RMDN2: variants seen among roughly 807,000 people sequenced by gnomAD.
RMDN2 encodes the protein regulator of microtubule dynamics protein 2.
A neutral mutation model predicts 52.8 loss-of-function variants in RMDN2; 61 were observed. The observed-to-expected ratio is 1.16, with a 90% CI of 0.94 to 1.43. The LOEUF is 1.43. Among genes scored for constraint, RMDN2 ranks in the 40% most tolerant of loss-of-function variants. The probability of loss-of-function intolerance (pLI) is 0.00; values close to 1 mark genes in which losing one functional copy is unlikely to be tolerated. For synonymous variants in RMDN2, 180 were observed against 153.1 expected (o/e 1.18, Z -1.30); for missense variants, 592 against 475.3 (o/e 1.25, Z -2.28).
At chr2:37,960,245 T>C (rs1407563331) in intron 2 of RMDN2, among the ~76,000 whole-genome samples, 1 of 152,144 alleles carries the variant, frequency 6.6e-6, no homozygotes, top group African/African-American at 2.4e-5. Flanking sequence ...AATGGGGTTT[T>C]AAAGTCTCCC....
At chr2:38,037,152 C>T (rs2125282992) in intron 10 of RMDN2, among the ~76,000 whole-genome samples, 1 of 152,256 alleles carries the variant, frequency 6.6e-6, no homozygotes, top group Admixed American at 6.5e-5. Flanking sequence ...GTGACCTAAG[C>T]TCTCTAAGCT....
intron 4 of RMDN2, among the ~76,000 whole-genome samples, chr2:37,976,058 G>A (rs994747045): frequency 1.3e-5 from 2 of 152,182 alleles, no homozygotes; most frequent in African/African-American, 4.8e-5. Context: ...TAGGGACTAC[G>A]AAGAATAAAC....
At chr2:38,032,143 A>G (rs966732695) in intron 10 of RMDN2, among the ~76,000 whole-genome samples, 2 of 152,198 alleles carry the variant, frequency 1.3e-5, no homozygotes, top group Non-Finnish European at 2.9e-5. Context: ...TTAATTGTAC[A>G]GTTTGATGGG....
intron 6 of RMDN2, 69 bp from the exon 7 acceptor site, chr2:37,991,151 C>G (rs1223904038): frequency 2.5e-6 from 2 of 787,608 alleles, no homozygotes; most frequent in Non-Finnish European, 4.1e-6. Context: ...AGTTACTAGG[C>G]TTTGGTGTAG....
At chr2:37,984,464 G>A (rs1673729333) in intron 5 of RMDN2, among the ~76,000 whole-genome samples, 1 of 152,200 alleles carries the variant, frequency 6.6e-6, no homozygotes, top group Admixed American at 6.5e-5. Context: ...GGTACTGTGT[G>A]TATGTGTGCA....
chr2:37,952,130 T>G (rs2124968684), intron 2 of RMDN2: 2 of 1,613,110 alleles, frequency 1.2e-6, no homozygotes, highest in East Asian at 2.2e-5. Flanking sequence ...CAGGCCTGTT[T>G]GAAGATGAAG....
intron 2 of RMDN2, among the ~76,000 whole-genome samples, chr2:37,947,293 G>A (rs996296133): frequency 5.3e-5 from 8 of 151,888 alleles, no homozygotes; most frequent in African/African-American, 2.4e-5. Flanking sequence ...AGAATATGTA[G>A]TATTTGACTT....
chr2:37,941,109 G>C (rs114160050), intron 2 of RMDN2, among the ~76,000 whole-genome samples: 1,659 of 152,270 alleles, frequency 0.011, 36 homozygotes, highest in African/African-American at 0.038. Context: ...TGTTGATGCT[G>C]TTGCTTTCTC....
chr2:37,968,373 A>G lies in RMDN2; in HGVS notation c.453-5667A>G, dbSNP rs534691990. 2.1e-5 allele frequency among the ~76,000 whole-genome samples: 3 copies of G among 144,662 alleles called. No individual in the cohort carries two copies. The East Asian group carries it at 6.4e-4, about 31-fold the overall frequency. The allele number at this position is 144,662 out of a possible 152,430, so 94.9% of individuals were successfully genotyped here. ...GAGAATCACTTGAACCCGGAGGCGT[A>G]GGCAGCAGTGAGCCGTGATCACACC... On this transcript the variant is annotated intron_variant, in intron 2 of 10. Coordinates refer to ENST00000354545, the MANE Select transcript of RMDN2 (RefSeq NM_001170791.3).
At chr2:37,935,437 G>T (rs754539298) in intron 2 of RMDN2, among the ~76,000 whole-genome samples, 1 of 152,232 alleles carries the variant, frequency 6.6e-6, no homozygotes, top group Admixed American at 6.5e-5. Context: ...GCATGGAGAT[G>T]AACAGAGATT....
intron 3 of RMDN2, 147 bp from the exon 4 acceptor site, chr2:37,975,065 C>G: frequency 1.6e-6 from 1 of 634,794 alleles, no homozygotes; most frequent in Non-Finnish European, 2.8e-6. Context: ...AAAAATGTTT[C>G]ACACGAAATA....
intron 1 of RMDN2, among the ~76,000 whole-genome samples, chr2:37,928,192 T>C (rs2124881839): frequency 6.6e-6 from 1 of 152,306 alleles, no homozygotes; most frequent in East Asian, 1.9e-4. Flanking sequence ...CAGGATACTT[T>C]CTGTGTTCCA....
downstream of RMDN2, among the ~76,000 whole-genome samples, chr2:38,022,423 G>C (rs1457264279): frequency 1.3e-5 from 2 of 152,146 alleles, no homozygotes; most frequent in Non-Finnish European, 2.9e-5. Flanking sequence ...CCTGAAATGA[G>C]GATTGTTCCT....
chr2:37,962,583 C>T (rs1365871985), intron 2 of RMDN2, among the ~76,000 whole-genome samples: 2 of 152,204 alleles, frequency 1.3e-5, no homozygotes, highest in African/African-American at 4.8e-5. Context: ...GACTGCTGTG[C>T]TGGCAGCGAG....
At chr2:38,055,177 C>T (rs948961097) in intron 10 of RMDN2, among the ~76,000 whole-genome samples, 8 of 152,094 alleles carry the variant, frequency 5.3e-5, no homozygotes, top group Middle Eastern at 3.4e-3. Context: ...TAGCCGTCCC[C>T]GCTTGATGAT....
At chr2:37,973,185 C>A (rs945224918) in intron 2 of RMDN2, among the ~76,000 whole-genome samples, 5 of 151,962 alleles carry the variant, frequency 3.3e-5, no homozygotes, top group Admixed American at 6.6e-5. Flanking sequence ...TCCTTGTATA[C>A]CTCCTTAAAA....
chr2:37,945,857 C>A (rs1322006844), intron 2 of RMDN2, among the ~76,000 whole-genome samples: 1 of 152,122 alleles, frequency 6.6e-6, no homozygotes. Context: ...CCTTACTCAT[C>A]CCCACTTAAG....
chr2:37,988,038 G>A (rs1324352316), intron 5 of RMDN2, among the ~76,000 whole-genome samples: 1 of 152,166 alleles, frequency 6.6e-6, no homozygotes, highest in East Asian at 1.9e-4. Flanking sequence ...CAGACTGGGC[G>A]ATAGAGCATG....
upstream of RMDN2, among the ~76,000 whole-genome samples, chr2:37,924,656 C>T (rs148505191): frequency 2.0e-5 from 3 of 152,334 alleles, no homozygotes; most frequent in Admixed American, 6.5e-5. Flanking sequence ...CGTGACCCAC[C>T]GCGCCCGGCC....
Sources: gnomAD v4.1 joint callset for allele counts (sites outside exome capture counted in the v4.1 genomes callset) on GRCh38, gnomAD v4.1.1 for gene constraint, MANE v1.5 for transcripts, NCBI Gene and HGNC (gene_info 2026-07-23, HGNC 2026-07-21) for gene names.